Variants in CSTPP1 observed in about 807,000 individuals in gnomAD.
CSTPP1 encodes the protein UPF0705 protein C11orf49.
the CSTPP1 span, among the ~76,000 whole-genome samples, chr11:46,961,066 T>C: frequency 3.3e-4 from 51 of 152,336 alleles, no homozygotes; most frequent in African/African-American, 1.2e-3. Flanking sequence ...AACACCTTTT[T>C]TCATTTCTTT....
the CSTPP1 span, chr11:47,137,678 T>C: frequency 6.2e-7 from 1 of 1,614,186 alleles, no homozygotes. Context: ...CACTGTTTGC[T>C]GCAATTACTG....
chr11:46,953,097 T>C, the CSTPP1 span, among the ~76,000 whole-genome samples: 4 of 152,106 alleles, frequency 2.6e-5, no homozygotes, highest in African/African-American at 4.8e-5. Context: ...TGTTCAATGA[T>C]ACCAGATGCC....
chr11:47,105,041 A>G, the CSTPP1 span, among the ~76,000 whole-genome samples: 3 of 152,264 alleles, frequency 2.0e-5, no homozygotes, highest in Non-Finnish European at 4.4e-5. Context: ...CCCTTCCATC[A>G]GTTACCCCAG....
the CSTPP1 span, among the ~76,000 whole-genome samples, chr11:47,086,160 G>A: frequency 6.7e-6 from 1 of 149,514 alleles, no homozygotes; most frequent in South Asian, 2.1e-4. Flanking sequence ...AGGTGGAGTC[G>A]GGCGGATCAC....
At chr11:47,009,918 C>G in the CSTPP1 span, among the ~76,000 whole-genome samples, 1 of 152,102 alleles carries the variant, frequency 6.6e-6, no homozygotes, top group Non-Finnish European at 1.5e-5. Context: ...AATTCAGTAA[C>G]TATTTATTAA....
the CSTPP1 span, among the ~76,000 whole-genome samples, chr11:47,115,209 A>T: frequency 1.3e-5 from 2 of 152,078 alleles, no homozygotes; most frequent in African/African-American, 4.8e-5. Context: ...AAGGTTTTTG[A>T]TGTGCTGCTG....
the CSTPP1 span, among the ~76,000 whole-genome samples, chr11:46,998,350 A>T: frequency 6.6e-6 from 1 of 152,188 alleles, no homozygotes; most frequent in Non-Finnish European, 1.5e-5. Flanking sequence ...GCTTTTATCT[A>T]CCAACACACT....
the CSTPP1 span, chr11:47,052,210 A>G: frequency 2.9e-6 from 2 of 678,746 alleles, no homozygotes; most frequent in Non-Finnish European, 4.5e-6. Flanking sequence ...TCGGAAAGGT[A>G]TGGTTATATG....
At chr11:47,016,395 AACAAAAAACAAAAAAC>A in the CSTPP1 span, among the ~76,000 whole-genome samples, 34 of 145,806 alleles carry the variant, frequency 2.3e-4, no homozygotes, top group African/African-American at 7.3e-4. Flanking sequence ...ATCTACAAAA[AACAAAAAACAAAAAAC>A]AAAAAAAAAA....
At chr11:46,940,860 C>CTAG in the CSTPP1 span, among the ~76,000 whole-genome samples, 1 of 152,102 alleles carries the variant, frequency 6.6e-6, no homozygotes, top group Admixed American at 6.5e-5. Context: ...TTTGAAAAGG[C>CTAG]TAGTTCATTG....
the CSTPP1 span, among the ~76,000 whole-genome samples, chr11:47,108,837 A>G: frequency 1.1e-4 from 17 of 151,452 alleles, no homozygotes; most frequent in Admixed American, 1.1e-3. Flanking sequence ...CTCCTGAGTA[A>G]CTGGGATTAC....
the CSTPP1 span, among the ~76,000 whole-genome samples, chr11:47,040,499 AAG>A: frequency 3.2e-5 from 4 of 126,296 alleles, no homozygotes; most frequent in African/African-American, 9.9e-5. Context: ...GAGGCTGAAA[AAG>A]AGACATGGAG....
chr11:47,133,450 C>T, the CSTPP1 span, among the ~76,000 whole-genome samples: 1 of 152,198 alleles, frequency 6.6e-6, no homozygotes, highest in Non-Finnish European at 1.5e-5. Flanking sequence ...CAATACTTAC[C>T]TCCCCTGCAC....
chr11:47,126,665 C>T, the CSTPP1 span, among the ~76,000 whole-genome samples: 1 of 151,282 alleles, frequency 6.6e-6, no homozygotes, highest in African/African-American at 2.4e-5. Flanking sequence ...AGCACGGTGG[C>T]TTATGCCTGT....
the CSTPP1 span, among the ~76,000 whole-genome samples, chr11:47,118,169 C>T: frequency 2.6e-4 from 39 of 152,184 alleles, no homozygotes; most frequent in South Asian, 6.2e-4. Flanking sequence ...TGAGCCACCG[C>T]GCCTGGCCTC....
At chr11:46,977,928 GAACAGGAC>G in the CSTPP1 span, among the ~76,000 whole-genome samples, 12 of 152,196 alleles carry the variant, frequency 7.9e-5, no homozygotes, top group Non-Finnish European at 1.5e-4. Flanking sequence ...GAGTAGTTGA[GAACAGGAC>G]AAAAGTGGCT....
the CSTPP1 span, among the ~76,000 whole-genome samples, chr11:47,039,799 A>T: frequency 7.8e-6 from 1 of 128,744 alleles, no homozygotes; most frequent in African/African-American, 2.5e-5. Flanking sequence ...AGATCGTGCC[A>T]CTGCAGTCCG....
chr11:47,141,949 A>AC, the CSTPP1 span, among the ~76,000 whole-genome samples: 1 of 149,546 alleles, frequency 6.7e-6, no homozygotes, highest in African/African-American at 2.5e-5. Context: ...AAAAAAAAAA[A>AC]AAAAAAAAAC....
chr11:47,144,552 A>C, the CSTPP1 span, among the ~76,000 whole-genome samples: 1 of 152,188 alleles, frequency 6.6e-6, no homozygotes, highest in Admixed American at 6.5e-5. Context: ...TTAAAAGAAA[A>C]ATGAGATGTT....
Sources: allele counts gnomAD v4.1 joint callset (sites outside exome capture counted in the v4.1 genomes callset), GRCh38; gene constraint gnomAD v4.1.1; transcripts MANE v1.5; gene names NCBI Gene and HGNC (gene_info 2026-07-23, HGNC 2026-07-21).